The following UNC13B variants were observed in gnomAD, a reference collection of about 807,000 sequenced individuals.
UNC13B encodes protein unc-13 homolog B.
A neutral mutation model predicts 211.0 loss-of-function variants in UNC13B; 144 were observed. That is an observed-to-expected ratio of 0.68 (90% CI 0.60 to 0.78). The LOEUF is 0.78. Ranked by LOEUF, UNC13B falls within the 30% of genes least tolerant of loss-of-function variation. UNC13B has a pLI of 0.00. For synonymous variants in UNC13B, 709 were observed against 725.8 expected, an observed-to-expected ratio of 0.98 and a Z score of 0.37; for missense variants, 1,777 against 2,002.0, an observed-to-expected ratio of 0.89 and a Z score of 2.14.
chr9:35,183,394 C>G (rs1303733997), intron 1 of UNC13B, among the ~76,000 whole-genome samples: 1 of 120,816 alleles, frequency 8.3e-6, no homozygotes, highest in Non-Finnish European at 1.7e-5. Context: ...CCAGACGGGG[C>G]GGCCGGGCAG....
chr9:35,257,977 C>T (rs1406841135), intron 6 of UNC13B, among the ~76,000 whole-genome samples: 2 of 152,056 alleles, frequency 1.3e-5, no homozygotes, highest in African/African-American at 4.8e-5. Flanking sequence ...TGCTTAAAAC[C>T]CTAAAGGGCT....
At chr9:35,384,791 GA>G (rs1835084114) in intron 22 of UNC13B, 1 of 935,648 alleles carries the variant, frequency 1.1e-6, no homozygotes, top group African/African-American at 1.8e-5. Context: ...ATAAAGGGAG[GA>G]AATAGGTATA....
chr9:35,370,284 C>T (rs1834031068), intron 12 of UNC13B, 34 bp from the exon 13 acceptor site: 2 of 1,602,516 alleles, frequency 1.2e-6, no homozygotes, highest in Admixed American at 1.7e-5. Context: ...CAAAGCAAGA[C>T]TGACGGTCCT....
chr9:35,214,321 G>C (rs566747573), intron 1 of UNC13B, among the ~76,000 whole-genome samples: 1 of 152,236 alleles, frequency 6.6e-6, no homozygotes, highest in African/African-American at 2.4e-5. Flanking sequence ...CAGCTACTGA[G>C]TAGGCTGAGG....
At chr9:35,265,776 A>G (rs1250936886) in intron 7 of UNC13B, among the ~76,000 whole-genome samples, 1 of 152,134 alleles carries the variant, frequency 6.6e-6, no homozygotes, top group Non-Finnish European at 1.5e-5. Context: ...CATCTCTACA[A>G]TTAAAAACAA....
At chr9:35,202,460 C>A (rs1823366599) in intron 1 of UNC13B, among the ~76,000 whole-genome samples, 1 of 152,086 alleles carries the variant, frequency 6.6e-6, no homozygotes, top group South Asian at 2.1e-4. Context: ...GTTAAAGTCT[C>A]CCCTTATTAT....
intron 1 of UNC13B, among the ~76,000 whole-genome samples, chr9:35,221,499 T>C (rs545800516): frequency 6.6e-6 from 1 of 152,348 alleles, no homozygotes; most frequent in African/African-American, 2.4e-5. Context: ...GTCAGAAGAA[T>C]AGTTTGCAAA....
chr9:35,249,912 T>A (rs1826357410), intron 6 of UNC13B, among the ~76,000 whole-genome samples: 1 of 152,240 alleles, frequency 6.6e-6, no homozygotes, highest in Admixed American at 6.5e-5. Context: ...CATTTTCATC[T>A]TTCATCCTCT....
chr9:35,395,658 G>A (rs1347152045), intron 26 of UNC13B, among the ~76,000 whole-genome samples: 1 of 152,162 alleles, frequency 6.6e-6, no homozygotes, highest in Non-Finnish European at 1.5e-5. Context: ...ACTATGAAGC[G>A]GGTAGATGAA....
At position 35,314,874 on chromosome 9, in the gene UNC13B, CTTTTTTTTTTTTTTTTTT is replaced by C. The variant is rs765803997; in HGVS notation, c.9414+896_9414+913del. 8.7e-5 allele frequency among the ~76,000 whole-genome samples: 5 copies of C among 57,778 alleles called. No individual in the cohort carries two copies. In the South Asian group the frequency reaches 2.3e-3, roughly 27 times the overall value. The allele number at this position is 57,778 out of a possible 152,430, so 37.9% of individuals were successfully genotyped here. A position where few individuals can be genotyped will look rare whatever the true frequency, so the allele number is the denominator to read the frequency against. ...ATGGACACTTAGGTTGATTCCGTATCTTTTTTTTTTTTTTTTTTTTTTTTTTTTGAGTTCAGGTCTTGC... is the reference window on the plus strand; with the variant it reads ...ATGGACACTTAGGTTGATTCCGTATCTTTTTTTTTTGAGTTCAGGTCTTGC... On this transcript the variant is annotated intron_variant, in intron 11 of 39. Coordinates refer to ENST00000635942, the MANE Select transcript of UNC13B (RefSeq NM_001371189.2).
At chr9:35,197,294 G>A (rs1420008219) in intron 1 of UNC13B, among the ~76,000 whole-genome samples, 3 of 151,148 alleles carry the variant, frequency 2.0e-5, no homozygotes, top group Non-Finnish European at 3.0e-5. Context: ...TACAGCCTCC[G>A]CCTTCCAGGT....
At chr9:35,326,822 A>G (rs905358030) in intron 11 of UNC13B, among the ~76,000 whole-genome samples, 1 of 152,266 alleles carries the variant, frequency 6.6e-6, no homozygotes, top group Non-Finnish European at 1.5e-5. Context: ...TACAGCAGGT[A>G]ACTGAAACCA....
chr9:35,404,179 T>A lies in UNC13B; in HGVS notation c.*146T>A. 8.9e-7 allele frequency: 1 copy of A among 1,117,526 alleles called. No individual in the cohort carries two copies. The highest frequency in any genetic ancestry group is 1.2e-6 in the Non-Finnish European group (1 of 807,950). The allele number at this position is 1,117,526 out of a possible 1,614,324, so 69.2% of individuals were successfully genotyped here. ...ATATTTAAGGAAAAATTTGGGGTGG[T>A]GATAATATGGCTTTTCACAGAAAGG... On this transcript the variant is annotated 3_prime_UTR_variant, in exon 40 of 40. Transcript: ENST00000635942.
Position 35,162,116 on chromosome 9 carries a change from T to G in UNC13B, c.-168T>G. 4 of 1,031,414 alleles carry G rather than the reference T, an allele frequency of 3.9e-6. No individual in the cohort carries two copies. The highest frequency in any genetic ancestry group is 5.7e-6 in the Non-Finnish European group (4 of 703,756). 63.9% of individuals were successfully genotyped at this position (1,031,414 alleles called of 1,614,324 possible). A position where few individuals can be genotyped will look rare whatever the true frequency, so the allele number is the denominator to read the frequency against. On this transcript the variant is annotated 5_prime_UTR_variant, in exon 1 of 40. Transcript: ENST00000635942. The stretch of plus-strand genomic sequence containing the variant: ...CCCGGAGTTCGCTCAGACGGTGAGA[T>G]TTGGGGCGGGTCCGAGGCAGCGGCG...
chr9:35,184,533 C>T (rs917623724), intron 1 of UNC13B, among the ~76,000 whole-genome samples: 2 of 152,144 alleles, frequency 1.3e-5, no homozygotes, highest in African/African-American at 2.4e-5. Flanking sequence ...CAGGGCGAAA[C>T]CCCGTCTCCT....
chr9:35,377,661 C>T lies in UNC13B; in HGVS notation c.10029C>T (p.Gly3343=), dbSNP rs1834518557. 2 of 1,614,152 alleles carry T rather than the reference C, an allele frequency of 1.2e-6. No homozygotes were observed. Among genetic ancestry groups the T allele is most frequent in the Admixed American group, 1.7e-5 (1 of 60,020 alleles). Residue 3343 remains glycine (G), a synonymous_variant, in exon 16 of 40, where the codon GGC becomes GGT. Transcript: ENST00000635942. ...MKTVKQSVLD[G]TSKWSAKITI... is the part of the protein sequence containing the mutation. ...CAGTGAAGCAGAGTGTACTGGATGG[C>T]ACCTCCAAATGGTCAGCCAAGATCA...
Position 35,397,294 on chromosome 9 carries a change from T to A in UNC13B, c.11660T>A (p.Met3887Lys), listed in dbSNP as rs747760125. 1 of 1,613,880 alleles carries A rather than the reference T, an allele frequency of 6.2e-7. No homozygotes were observed. Among genetic ancestry groups the A allele is most frequent in the Admixed American group, 1.7e-5 (1 of 59,994 alleles). ...CPDPSILAHY[M>K]RRFAKTIGKV... ...GACCCCAGCATCCTTGCCCACTACA[T>A]GAGGAGGTTTGCTAAGGTGACCATA... The change falls in exon 29 of 40, where the codon ATG (methionine) becomes AAG (lysine). Residue 3887 changes from methionine to lysine, a missense_variant. Coordinates refer to ENST00000635942, the MANE Select transcript of UNC13B (RefSeq NM_001371189.2).
chr9:35,241,029 C>G (rs1290251869), intron 5 of UNC13B, among the ~76,000 whole-genome samples: 1 of 139,994 alleles, frequency 7.1e-6, no homozygotes, highest in Non-Finnish European at 1.5e-5. Context: ...TGCTCTCCAG[C>G]CTAGGTGATA....
chr9:35,219,817 C>T (rs1824472445), intron 1 of UNC13B, among the ~76,000 whole-genome samples: 1 of 152,096 alleles, frequency 6.6e-6, no homozygotes, highest in African/African-American at 2.4e-5. Flanking sequence ...CTCAATCTCT[C>T]TTTCCCAAGC....
Sources: gnomAD v4.1 joint callset for allele counts (sites outside exome capture counted in the v4.1 genomes callset) on GRCh38, gnomAD v4.1.1 for gene constraint, MANE v1.5 for transcripts, NCBI Gene and HGNC (gene_info 2026-07-23, HGNC 2026-07-21) for gene names.